Variants in TRPM5 observed in about 807,000 individuals in gnomAD.
The protein encoded by TRPM5 is MLSN1 and TRP-related.
A neutral mutation model predicts 124.9 loss-of-function variants in TRPM5; 121 were observed. The ratio of observed to expected loss-of-function variants is 0.97; its 90% CI spans 0.84 to 1.13. The LOEUF (loss-of-function observed/expected upper bound fraction) is 1.13. Ranked by LOEUF, TRPM5 falls within the 50% of genes most tolerant of loss-of-function variation. The pLI, the probability that TRPM5 is intolerant of heterozygous loss-of-function variation, is 0.00. For missense variants in TRPM5, 1,643 were observed against 1,589.1 expected (o/e 1.03, Z -0.58); for synonymous variants, 781 against 700.5 (o/e 1.11, Z -1.81).
intron 4 of TRPM5, among the ~76,000 whole-genome samples, chr11:2,418,935 C>T (rs1474664418): frequency 2.0e-5 from 3 of 152,206 alleles, no homozygotes; most frequent in Middle Eastern, 3.2e-3. Flanking sequence ...GGCAGCATCT[C>T]GACCATCGAG....
In TRPM5 at chr11:2,416,104, C is replaced by G. The variant is rs571970192; in HGVS notation, c.1010-80G>C. 3.8e-6 allele frequency: 4 copies of G among 1,063,122 alleles called. No individual in the cohort carries two copies. In the South Asian group the frequency reaches 5.8e-5, roughly 15 times the overall value. 65.9% of individuals were successfully genotyped at this position (1,063,122 alleles called of 1,614,324 possible). On this transcript the variant is annotated intron_variant, in intron 7 of 23. Coordinates refer to ENST00000155858, the Ensembl canonical transcript of TRPM5. ...CCGGGGCACAGGGTCCCCAAAGGTG[C>G]GCTGCCTAGAGACGCGGAAACGGGA...
intron 2 of TRPM5, 70 bp from the exon 8 acceptor site, chr11:2,421,268 AC>A (rs1845769119): frequency 2.0e-6 from 3 of 1,485,420 alleles, no homozygotes; most frequent in Non-Finnish European, 2.7e-6. Flanking sequence ...CCACGCCCTA[AC>A]CCCTAGGCCC....
the TRPM5 span, among the ~76,000 whole-genome samples, chr11:2,442,697 A>G: frequency 6.6e-6 from 1 of 152,208 alleles, no homozygotes; most frequent in Non-Finnish European, 1.5e-5. This position sits in a 1 kb window ranked among gnomAD's most constrained non-coding sequence, Gnocchi z 5.9. Context: ...AGTGATGAGG[A>G]GTGCACCTGT....
chr11:2,435,905 G>A, the TRPM5 span, among the ~76,000 whole-genome samples: 1 of 152,194 alleles, frequency 6.6e-6, no homozygotes, highest in South Asian at 2.1e-4. The surrounding 1 kb of genome is among the most constrained non-coding windows in gnomAD (Gnocchi z 4.1). Flanking sequence ...TCAGTCTCTG[G>A]TCTCAGGATG....
exon 6 of TRPM5, chr11:2,418,248 G>T: frequency 6.3e-7 from 1 of 1,586,304 alleles, no homozygotes; most frequent in Admixed American, 1.8e-5. Context: ...CGGCCACCTT[G>T]GGCACCAGGA....
At chr11:2,405,722 C>T (rs1050438674) in intron 22 of TRPM5, 129 bp from the exon 28 acceptor site, 22 of 1,040,098 alleles carry the variant, frequency 2.1e-5, no homozygotes, top group Non-Finnish European at 2.9e-5. Context: ...TGAGAGCTGC[C>T]GCTCACAGGC....
chr11:2,427,223 A>T (rs747094134), upstream of TRPM5, among the ~76,000 whole-genome samples: 11 of 151,936 alleles, frequency 7.2e-5, no homozygotes, highest in Non-Finnish European at 1.3e-4. Flanking sequence ...CCTGGTCCCC[A>T]CTCCTCTCAT....
At position 2,407,314 on chromosome 11, in the gene TRPM5, G is replaced by C. The variant is rs760598324; in HGVS notation, c.2937-14C>G. The stretch of plus-strand genomic sequence containing the variant: ...TGGAACGTGTAGCTGCAGGGGCACA[G>C]CTGAGCCGTCACCTACCGGCTCCCC... On this transcript the variant is annotated splice_polypyrimidine_tract_variant and intron_variant, in intron 19 of 23. Coordinates refer to ENST00000155858, the Ensembl canonical transcript of TRPM5. 13 of 1,601,144 alleles carry C rather than the reference G, an allele frequency of 8.1e-6. No individual in the cohort carries two copies. Among genetic ancestry groups the C allele is most frequent in the Non-Finnish European group, 1.1e-5 (13 of 1,176,042 alleles).
chr11:2,412,479 G>C (rs990866334), intron 15 of TRPM5, among the ~76,000 whole-genome samples: 3 of 152,234 alleles, frequency 2.0e-5, no homozygotes, highest in African/African-American at 7.2e-5. Flanking sequence ...CCAGGGTCTA[G>C]GGATCAGTTT....
chr11:2,425,269 C>T (rs1436715554), upstream of TRPM5, among the ~76,000 whole-genome samples: 3 of 152,204 alleles, frequency 2.0e-5, no homozygotes, highest in Non-Finnish European at 2.9e-5. Flanking sequence ...ATCCAGGCAT[C>T]GGCAGGGCCG....
the TRPM5 span, among the ~76,000 whole-genome samples, chr11:2,440,642 C>A: frequency 2.6e-5 from 4 of 152,174 alleles, no homozygotes; most frequent in Non-Finnish European, 4.4e-5. This position sits in a 1 kb window ranked among gnomAD's most constrained non-coding sequence, Gnocchi z 5.2. Context: ...CATCCTGTGC[C>A]CCCTTCGTTT....
chr11:2,415,057 A>T lies in TRPM5; in HGVS notation c.1480-10T>A, dbSNP rs924042038. ...TGGCCGGGCCCTTCTCCTGGAGGAC[A>T]CGGGCGTCGGCCTCCTGCTGCGGCC... is the stretch of plus-strand genomic sequence containing the variant. On this transcript the variant is annotated splice_polypyrimidine_tract_variant and intron_variant, in intron 9 of 23. Transcript: ENST00000155858. 2 of 1,597,456 alleles carry T rather than the reference A, an allele frequency of 1.3e-6. No individual in the cohort carries two copies. The highest frequency in any genetic ancestry group is 3.4e-5 in the Admixed American group (2 of 59,534).
At chr11:2,414,978 G>T in exon 10 of TRPM5, 3 of 1,607,502 alleles carry the variant, frequency 1.9e-6, no homozygotes, top group Non-Finnish European at 2.5e-6. Flanking sequence ...TCCCGCCAGG[G>T]GTTCTCGCTC....
downstream of TRPM5, among the ~76,000 whole-genome samples, chr11:2,404,360 G>A (rs914953364): frequency 3.3e-5 from 5 of 152,136 alleles, no homozygotes; most frequent in African/African-American, 9.7e-5. Context: ...TTTGTCTTGG[G>A]GCCATAAACA....
chr11:2,408,988 T>C (rs1362353383), intron 18 of TRPM5, among the ~76,000 whole-genome samples: 2 of 152,226 alleles, frequency 1.3e-5, no homozygotes, highest in East Asian at 1.9e-4. Flanking sequence ...GCCTGCCAGC[T>C]CCAGGTTGCC....
the TRPM5 span, among the ~76,000 whole-genome samples, chr11:2,442,456 A>T: frequency 1.1e-3 from 165 of 151,634 alleles, no homozygotes; most frequent in African/African-American, 3.9e-3. The surrounding 1 kb of genome is among the most constrained non-coding windows in gnomAD (Gnocchi z 5.9). Context: ...AGTATTAGTG[A>T]TCATATTGAT....
chr11:2,422,359 C>T lies in TRPM5; in HGVS notation c.118-38G>A, dbSNP rs142830625. The T allele has an allele frequency of 2.5e-3, 3,273 of 1,313,196 alleles. 4 individuals carry two copies. The highest frequency in any genetic ancestry group is 2.9e-3 in the Non-Finnish European group (2,947 of 1,013,878). 81.3% of individuals were successfully genotyped at this position (1,313,196 alleles called of 1,614,324 possible). On this transcript the variant is annotated intron_variant, in intron 1 of 23. Coordinates refer to ENST00000155858, the Ensembl canonical transcript of TRPM5. The stretch of plus-strand genomic sequence containing the variant: ...TCTGCAGCTCAGGGCTTTCGGGGCA[C>T]GGGGCATGGGAGCTGCTGGGCATTG...
chr11:2,441,267 G>T, the TRPM5 span, among the ~76,000 whole-genome samples: 2 of 152,144 alleles, frequency 1.3e-5, no homozygotes, highest in Non-Finnish European at 2.9e-5. This position sits in a 1 kb window ranked among gnomAD's most constrained non-coding sequence, Gnocchi z 7.2. Flanking sequence ...CAGCTGGGAG[G>T]CTACAACCCT....
Position 2,422,323 on chromosome 11 carries a change from T to C in TRPM5, c.118-2A>G. The C allele has an allele frequency of 6.3e-7, 1 of 1,592,878 alleles. No individual in the cohort carries two copies. On this transcript the variant is annotated splice_acceptor_variant, in intron 1 of 23. Coordinates refer to ENST00000155858, the Ensembl canonical transcript of TRPM5. LOFTEE classifies it high-confidence loss of function. ...CACTCCGCTCGGCACCCGTACAAAC[T>C]GCAAGGCAGGTCTGCAGCTCAGGGC...
Sources: gnomAD v4.1 joint callset for allele counts (sites outside exome capture counted in the v4.1 genomes callset) on GRCh38, gnomAD v4.1.1 for gene constraint, Gnocchi (gnomAD v3.1) non-coding constraint, MANE v1.5 for transcripts, NCBI Gene and HGNC (gene_info 2026-07-23, HGNC 2026-07-21) for gene names.